Variants in SLC47A2 observed in about 807,000 individuals in gnomAD.
SLC47A2 encodes the protein multidrug and toxin extrusion protein 2.
In SLC47A2, 52 loss-of-function variants were observed where a neutral mutation model predicts 67.7. That is an observed-to-expected ratio of 0.77 (90% confidence interval 0.61 to 0.97). The LOEUF is 0.97. Ranked by LOEUF, SLC47A2 falls within the 50% of genes least tolerant of loss-of-function variation. The probability of loss-of-function intolerance (pLI) is 0.00; values close to 1 mark genes in which losing one functional copy is unlikely to be tolerated. For synonymous variants in SLC47A2, 278 were observed against 292.9 expected (o/e 0.95, Z 0.52); for missense variants, 676 against 712.3 (o/e 0.95, Z 0.58).
intron 15 of SLC47A2, among the ~76,000 whole-genome samples, chr17:19,680,670 C>G (rs920893737): frequency 6.6e-6 from 1 of 152,034 alleles, no homozygotes; most frequent in Admixed American, 6.6e-5. Context: ...GGCTGCCCTG[C>G]CCTGTTTAAA....
rs760298590 is a variant in SLC47A2 at position 19,678,848 on chromosome 17, G to C, written c.1539C>G (p.His513Gln). 187 of 1,610,738 alleles carry C rather than the reference G, an allele frequency of 1.2e-4. No individual in the cohort carries two copies. Among genetic ancestry groups the C allele is most frequent in the Non-Finnish European group, 1.5e-4 (177 of 1,178,330 alleles). ...CCTCTGGAGTCCTGAAGAAGTCCAC[G>C]TGGCACTCAGACCTTGAATACGTTG... ...TLTTYSRSEC[H>Q]VDFFRTPEEA... Residue 513 changes from histidine to glutamine, a missense_variant, in exon 17 of 17, where the codon CAC (histidine) becomes CAG (glutamine). Transcript: ENST00000433844.
intron 8 of SLC47A2, among the ~76,000 whole-genome samples, chr17:19,707,217 C>CA (rs1311902215): frequency 4.6e-5 from 7 of 152,326 alleles, no homozygotes; most frequent in South Asian, 2.1e-4. Context: ...CATGAGGCCC[C>CA]AGGGGCCTGC....
chr17:19,681,583 G>C lies in SLC47A2; in HGVS notation c.1252C>G (p.Pro418Ala). Residue 418 changes from proline to alanine, a missense_variant, in exon 14 of 17, where the codon CCA becomes GCA. Coordinates refer to ENST00000433844, the MANE Select transcript of SLC47A2 (RefSeq NM_001099646.3). ...ACAAAGGTCAGAAGGATGCCCAGTG[G>C]TAGGCCGATGATGTAATATGTGATG... is the stretch of plus-strand genomic sequence containing the variant. Reference protein sequence around the residue: ...NAITYYIIGLPLGILLTFVVR... With the variant: ...NAITYYIIGLALGILLTFVVR... The C allele has an allele frequency of 1.2e-6, 2 of 1,614,174 alleles. No homozygotes were observed. Among genetic ancestry groups the C allele is most frequent in the Non-Finnish European group, 1.7e-6 (2 of 1,180,036 alleles).
At position 19,685,534 on chromosome 17, in the gene SLC47A2, C is replaced by G. The variant is rs924111032; in HGVS notation, c.1165-3864G>C. Among the ~76,000 whole-genome samples, 1 of 152,154 alleles carries G rather than the reference C, an allele frequency of 6.6e-6. No individual in the cohort carries two copies. Among genetic ancestry groups the G allele is most frequent in the South Asian group, 2.1e-4 (1 of 4,826 alleles). On this transcript the variant is annotated intron_variant, in intron 13 of 16. Coordinates refer to ENST00000433844, the MANE Select transcript of SLC47A2 (RefSeq NM_001099646.3). The surrounding 1 kb of genome is among the most constrained non-coding windows in gnomAD (Gnocchi z 4.5). ...GAGGAGCGCCTCTGCCTGGCCGCCC[C>G]GTCTGGGAGGGTTAAATGGATTAAG...
At position 19,715,977 on chromosome 17, in the gene SLC47A2, G is replaced by A. The variant is rs541716281; in HGVS notation, c.123+456C>T. ...CCTGCTCGGCCTCCCAAAGTGCTGA[G>A]ATAACAGGCGTGAGGCAGCACGCCC... On this transcript the variant is annotated intron_variant, in intron 1 of 16. Transcript: ENST00000433844. The A allele has an allele frequency of 1.3e-4, 21 of 157,590 alleles. No homozygotes were observed. In the South Asian group the frequency reaches 4.0e-3, roughly 30 times the overall value. 9.8% of individuals were successfully genotyped at this position (157,590 alleles called of 1,614,324 possible). A position where few individuals can be genotyped will look rare whatever the true frequency, so the allele number is the denominator to read the frequency against.
intron 13 of SLC47A2, among the ~76,000 whole-genome samples, chr17:19,689,910 G>GA (rs1242171827): frequency 1.3e-5 from 2 of 152,014 alleles, no homozygotes; most frequent in African/African-American, 4.8e-5. Flanking sequence ...CACAGAAATA[G>GA]AAAAAATAAT....
At chr17:19,702,123 A>G (rs1370223664) in intron 13 of SLC47A2, 4 of 984,688 alleles carry the variant, frequency 4.1e-6, no homozygotes, top group East Asian at 2.3e-4. Flanking sequence ...AAAAAAAAAA[A>G]TTACATAATT....
chr17:19,704,705 T>G lies in SLC47A2; in HGVS notation c.910-527A>C, dbSNP rs528578005. The G allele has an allele frequency of 6.9e-4, 1,064 of 1,546,520 alleles. 10 individuals are homozygous for G. In the African/African-American group the frequency reaches 0.012, roughly 17 times the overall value. On this transcript the variant is annotated intron_variant, in intron 10 of 16. Transcript: ENST00000433844. The stretch of plus-strand genomic sequence containing the variant: ...ACGATGGCTGTGTCTCTGTGGGGAG[T>G]AGAGGGGAGGTGGGGGCTGTGGTGG...
intron 13 of SLC47A2, among the ~76,000 whole-genome samples, chr17:19,697,751 CTT>C (rs563463732): frequency 1.1e-4 from 15 of 136,386 alleles, no homozygotes; most frequent in Non-Finnish European, 1.1e-4. Flanking sequence ...CTATGCCCAG[CTT>C]TTTTTTTTTT....
At chr17:19,679,087 A>T (rs1039004900) in intron 16 of SLC47A2, among the ~76,000 whole-genome samples, 181 bp from the exon 17 acceptor site, 1 of 152,206 alleles carries the variant, frequency 6.6e-6, no homozygotes, top group Non-Finnish European at 1.5e-5. Context: ...AGAGGAGGAG[A>T]TATGCAGGAA....
In SLC47A2 at chr17:19,678,797, G is replaced by A. The variant is rs747117636; in HGVS notation, c.1590C>T (p.Thr530=). ...CCAGCTGTTTCACTGATAGTCTGCT[G>A]GTAGGAGCTGAAAGGGCGTGGGCCT... The part of the protein sequence containing the change: ...PEEAHALSAP[T]SRLSVKQLVI... The change falls in exon 17 of 17, where the codon ACC becomes ACT. Residue 530 remains threonine (T), a synonymous_variant. Transcript: ENST00000433844. The A allele has an allele frequency of 6.2e-7, 1 of 1,614,238 alleles. No homozygotes were observed. The highest frequency in any genetic ancestry group is 8.5e-7 in the Non-Finnish European group (1 of 1,180,044).
In SLC47A2 at chr17:19,707,882, A is replaced by G. The variant is rs1310427984; in HGVS notation, c.630-39T>C. ...GAGAACAGGGCTGCGACTGATGCCA[A>G]CTCTCTGCCACCGCCCTGCCTGAGA... On this transcript the variant is annotated intron_variant, in intron 7 of 16. Transcript: ENST00000433844. The G allele has an allele frequency of 3.3e-6, 5 of 1,527,732 alleles. No homozygotes were observed. The Admixed American group carries it at 5.9e-5, about 18-fold the overall frequency. The allele number at this position is 1,527,732 out of a possible 1,614,324, so 94.6% of individuals were successfully genotyped here.
At chr17:19,697,692 A>G (rs1039804818) in intron 13 of SLC47A2, among the ~76,000 whole-genome samples, 1 of 151,384 alleles carries the variant, frequency 6.6e-6, no homozygotes, top group African/African-American at 2.4e-5. Flanking sequence ...GGCACAAGCT[A>G]TCCTCCCACC....
At chr17:19,681,205 T>C (rs1431850095) in intron 15 of SLC47A2, among the ~76,000 whole-genome samples, 162 bp downstream of exon 15, 1 of 151,170 alleles carries the variant, frequency 6.6e-6, no homozygotes, top group Non-Finnish European at 1.5e-5. Flanking sequence ...AGAGTGAGAC[T>C]CCATCTCACA....
At chr17:19,708,223 G>T in intron 7 of SLC47A2, 79 bp downstream of exon 7, 2 of 1,514,292 alleles carry the variant, frequency 1.3e-6, no homozygotes, top group Non-Finnish European at 1.8e-6. Context: ...CCAGGATGGT[G>T]ACTGATCTGT....
chr17:19,691,321 A>C (rs974559169), intron 13 of SLC47A2, among the ~76,000 whole-genome samples: 1 of 152,212 alleles, frequency 6.6e-6, no homozygotes, highest in African/African-American at 2.4e-5. Context: ...TGCACTATTC[A>C]CAATAGCCGA....
chr17:19,703,007 G>T, intron 12 of SLC47A2, 85 bp downstream of exon 12: 2 of 1,436,646 alleles, frequency 1.4e-6, no homozygotes, highest in East Asian at 2.3e-5. Flanking sequence ...GCCCAGCACT[G>T]AGCCAGGAAT....
upstream of SLC47A2, chr17:19,717,715 A>AGT: frequency 6.6e-6 from 1 of 151,762 alleles, no homozygotes; most frequent in African/African-American, 2.4e-5. Context: ...ACAAATACAA[A>AGT]AAAAAAAAAA....
intron 13 of SLC47A2, among the ~76,000 whole-genome samples, chr17:19,696,608 T>A (rs1350209900): frequency 6.6e-6 from 1 of 152,158 alleles, no homozygotes; most frequent in Non-Finnish European, 1.5e-5. Context: ...AGATCCTTCT[T>A]TAGTGCCTTC....
Sources: gnomAD v4.1 joint callset for allele counts (sites outside exome capture counted in the v4.1 genomes callset) on GRCh38, gnomAD v4.1.1 for gene constraint, Gnocchi (gnomAD v3.1) non-coding constraint, MANE v1.5 for transcripts, NCBI Gene and HGNC (gene_info 2026-07-23, HGNC 2026-07-21) for gene names.